The following SPOCK3 variants were observed in gnomAD, a reference collection of about 807,000 sequenced individuals.
SPOCK3 encodes testican-3.
SPOCK3 carries 30 observed loss-of-function variants against 56.6 expected under a neutral mutation model. That is an observed-to-expected ratio of 0.53 (90% CI 0.40 to 0.72). SPOCK3 has a LOEUF of 0.72. Among genes scored for constraint, SPOCK3 ranks in the 30% least tolerant of loss-of-function variants. The pLI is 0.00. For missense variants in SPOCK3, 527 were observed against 530.0 expected (o/e 0.99, Z 0.06); for synonymous variants, 196 against 183.3 (o/e 1.07, Z -0.56).
intron 6 of SPOCK3, among the ~76,000 whole-genome samples, chr4:166,807,099 A>C (rs1475720572): frequency 1.3e-5 from 2 of 152,072 alleles, no homozygotes; most frequent in African/African-American, 2.4e-5. Context: ...AAGGGGGAAT[A>C]CTTTATAGTT....
chr4:167,119,979 G>C (rs567753170), intron 2 of SPOCK3: 1 of 638,650 alleles, frequency 1.6e-6, no homozygotes, highest in African/African-American at 1.8e-5. Flanking sequence ...TGGGTAAATC[G>C]CTTCCACTGA....
rs1359583735 is a variant in SPOCK3 at position 166,749,294 on chromosome 4, A to G, written c.931+5214T>C. Among the ~76,000 whole-genome samples the G allele has an allele frequency of 1.5e-5, 2 of 137,732 alleles. 1 individual carries two copies. The highest frequency in any genetic ancestry group is 6.2e-5 in the African/African-American group (2 of 32,472). 90.4% of individuals were successfully genotyped at this position (137,732 alleles called of 152,430 possible). A position where few individuals can be genotyped will look rare whatever the true frequency, so the allele number is the denominator to read the frequency against. On this transcript the variant is annotated intron_variant, in intron 8 of 10. Transcript: ENST00000357545. ...AAATGTGGCACATATACATCTTGGA[A>G]TACTATGCAGCCATAAAAAAAGATG... is the stretch of plus-strand genomic sequence containing the variant.
chr4:167,044,340 C>A (rs776195772), intron 3 of SPOCK3, among the ~76,000 whole-genome samples: 2 of 151,858 alleles, frequency 1.3e-5, no homozygotes, highest in Non-Finnish European at 2.9e-5. Context: ...TTTTTCTTAG[C>A]CTGGCTAGAG....
intron 7 of SPOCK3, among the ~76,000 whole-genome samples, chr4:166,768,976 A>C (rs1365892525): frequency 1.3e-5 from 2 of 152,198 alleles, no homozygotes; most frequent in African/African-American, 4.8e-5. Context: ...CAGTTGATCA[A>C]ATCAGCTACT....
At chr4:166,909,415 G>A (rs1391258677) in intron 5 of SPOCK3, among the ~76,000 whole-genome samples, 1 of 151,902 alleles carries the variant, frequency 6.6e-6, no homozygotes, top group Non-Finnish European at 1.5e-5. Context: ...CAGTTAAGAT[G>A]TGCAATGAAA....
In SPOCK3 at chr4:166,957,098, A is replaced by G. The variant is rs374811826; in HGVS notation, c.350+43251T>C. ...GTGAAACTCTGTCTCTACGAAAAAT[A>G]CAAAAAGTTAGCTAGGCAAGGTGGC... On this transcript the variant is annotated intron_variant, in intron 4 of 10. Transcript: ENST00000357545. Among the ~76,000 whole-genome samples, 364 of 152,236 alleles carry G rather than the reference A, an allele frequency of 2.4e-3. 4 individuals are homozygous for G. Among genetic ancestry groups the G allele is most frequent in the African/African-American group, 8.4e-3 (347 of 41,556 alleles).
chr4:166,831,722 A>G (rs1472745452), intron 6 of SPOCK3, among the ~76,000 whole-genome samples: 3 of 149,342 alleles, frequency 2.0e-5, no homozygotes, highest in Non-Finnish European at 4.5e-5. Flanking sequence ...TTTTTTTCGA[A>G]AACATCTTTC....
chr4:166,737,415 G>A, intron 10 of SPOCK3, 52 bp downstream of exon 10: 1 of 1,561,118 alleles, frequency 6.4e-7, no homozygotes, highest in Non-Finnish European at 8.7e-7. Flanking sequence ...AGGCTCTAAA[G>A]CACTTAATTC....
intron 4 of SPOCK3, among the ~76,000 whole-genome samples, chr4:166,930,891 T>C (rs772203094): frequency 6.6e-6 from 1 of 152,200 alleles, no homozygotes; most frequent in Non-Finnish European, 1.5e-5. Context: ...AATGTGTCAA[T>C]TTGTCATTTG....
intron 2 of SPOCK3, among the ~76,000 whole-genome samples, chr4:167,194,690 T>A (rs1278626672): frequency 1.3e-5 from 2 of 152,176 alleles, no homozygotes; most frequent in Non-Finnish European, 2.9e-5. Flanking sequence ...TGGTCCAATA[T>A]CAGGTCCCTG....
intron 7 of SPOCK3, among the ~76,000 whole-genome samples, chr4:166,755,383 GGAACTGGGTTT>G (rs1381720658): frequency 6.6e-6 from 1 of 152,072 alleles, no homozygotes; most frequent in Non-Finnish European, 1.5e-5. Context: ...GAGAGATGAC[GGAACTGGGTTT>G]GTATTCAAGC....
At chr4:167,030,766 A>G (rs939842936) in intron 3 of SPOCK3, among the ~76,000 whole-genome samples, 2 of 152,054 alleles carry the variant, frequency 1.3e-5, no homozygotes, top group Non-Finnish European at 2.9e-5. Context: ...CCCAATAGGT[A>G]AGAATCCTAC....
At chr4:166,953,271 G>A (rs567470288) in intron 4 of SPOCK3, among the ~76,000 whole-genome samples, 52 of 152,136 alleles carry the variant, frequency 3.4e-4, no homozygotes, top group South Asian at 8.3e-4. Flanking sequence ...AAAAGTGGGC[G>A]AAGGACATGA....
intron 4 of SPOCK3, among the ~76,000 whole-genome samples, chr4:166,929,432 A>G (rs1015895357): frequency 1.4e-4 from 22 of 152,292 alleles, no homozygotes; most frequent in African/African-American, 5.3e-4. Flanking sequence ...GTAGGTGCAA[A>G]TAGATTGTAG....
intron 2 of SPOCK3, among the ~76,000 whole-genome samples, chr4:167,149,461 T>C (rs528980783): frequency 9.5e-4 from 144 of 152,112 alleles, no homozygotes; most frequent in Non-Finnish European, 1.5e-3. Flanking sequence ...AAAAGAAGTA[T>C]GCCAATGGGA....
In SPOCK3 at chr4:167,000,393, A is replaced by G; in HGVS notation, c.306T>C (p.Asp102=). 1 of 1,607,736 alleles carries G rather than the reference A, an allele frequency of 6.2e-7. No individual in the cohort carries two copies. The highest frequency in any genetic ancestry group is 8.5e-7 in the Non-Finnish European group (1 of 1,176,430). The change falls in exon 4 of 11, where the codon GAT becomes GAC. Residue 102 remains aspartate (D), a synonymous_variant. Coordinates refer to ENST00000357545, the MANE Select transcript of SPOCK3 (RefSeq NM_001040159.2). ...GACTAATGCAGACTGCAGTCTGAGA[A>G]TCTTGAGCAATGCATACTTTATGGC... is the stretch of plus-strand genomic sequence containing the variant. ...CSRHKVCIAQ[D]SQTAVCISHR... is the part of the protein sequence containing the mutation.
intron 6 of SPOCK3, among the ~76,000 whole-genome samples, chr4:166,804,257 C>T (rs1742920947): frequency 6.6e-6 from 1 of 152,132 alleles, no homozygotes; most frequent in Non-Finnish European, 1.5e-5. Flanking sequence ...CTGGAGGGTA[C>T]AGTCCAAGAC....
intron 6 of SPOCK3, chr4:166,882,775 C>T (rs576811651): frequency 2.3e-4 from 35 of 152,202 alleles, no homozygotes; most frequent in African/African-American, 7.9e-4. Flanking sequence ...CAAAAATAGT[C>T]TTCAGAGAAG....
At chr4:167,061,724 A>G (rs935890357) in intron 3 of SPOCK3, among the ~76,000 whole-genome samples, 1 of 152,026 alleles carries the variant, frequency 6.6e-6, no homozygotes, top group Non-Finnish European at 1.5e-5. Flanking sequence ...TTCACAAAGT[A>G]TTATCTTTTG....
Sources: gnomAD v4.1 joint callset for allele counts (sites outside exome capture counted in the v4.1 genomes callset) on GRCh38, gnomAD v4.1.1 for gene constraint, MANE v1.5 for transcripts, NCBI Gene and HGNC (gene_info 2026-07-23, HGNC 2026-07-21) for gene names.